Variants in CNTN1 observed in about 807,000 individuals in gnomAD.
CNTN1 encodes contactin-1.
In CNTN1, 38 loss-of-function variants were observed where a neutral mutation model predicts 126.4. That is an observed-to-expected ratio of 0.30 (90% CI 0.23 to 0.39). The LOEUF (loss-of-function observed/expected upper bound fraction) is 0.39. CNTN1 is among the 10% of genes least tolerant of loss of function. CNTN1 has a pLI of 1.00. For synonymous variants in CNTN1, 413 were observed against 422.6 expected (o/e 0.98, Z 0.28); for missense variants, 1,009 against 1,248.4 (o/e 0.81, Z 2.89).
At chr12:40,838,110 CG>C (rs1419276728) in intron 1 of CNTN1, among the ~76,000 whole-genome samples, 2 of 152,204 alleles carry the variant, frequency 1.3e-5, no homozygotes, top group African/African-American at 4.8e-5. Context: ...CCACCCAGCC[CG>C]GCATTGCATC....
In CNTN1 at chr12:40,863,029, T is replaced by C. The variant is rs957018286; in HGVS notation, c.-76-45328T>C. On this transcript the variant is annotated intron_variant, in intron 1 of 23. Coordinates refer to ENST00000551295, the MANE Select transcript of CNTN1 (RefSeq NM_001843.4). ...GTTTTAACTTTAGTCATTTAAAATA[T>C]AGCTATCACATATTTGCTGTTTTAT... 2.0e-5 allele frequency among the ~76,000 whole-genome samples: 3 copies of C among 152,218 alleles called. No homozygotes were observed. In the East Asian group the frequency reaches 5.8e-4, roughly 29 times the overall value.
intron 1 of CNTN1, among the ~76,000 whole-genome samples, chr12:40,857,919 T>C (rs1942969529): frequency 6.6e-6 from 1 of 152,124 alleles, no homozygotes; most frequent in Admixed American, 6.6e-5. Flanking sequence ...TTTAATTCTG[T>C]GTACACATTG....
intron 1 of CNTN1, among the ~76,000 whole-genome samples, chr12:40,776,415 C>T (rs552650950): frequency 6.9e-4 from 105 of 151,456 alleles, no homozygotes; most frequent in Non-Finnish European, 1.2e-3. Context: ...TAAGATAGAA[C>T]CAGGAGAGGA....
rs278908 is a variant in CNTN1, at chr12:41,028,025, C to G, written c.2823+56C>G. 2,027 of 1,256,784 alleles carry G rather than the reference C, an allele frequency of 1.6e-3. 19 individuals carry two copies. The African/African-American group carries it at 0.024, about 15-fold the overall frequency. 77.9% of individuals were successfully genotyped at this position (1,256,784 alleles called of 1,614,324 possible). The stretch of plus-strand genomic sequence containing the variant: ...CAATTCTTGCTATTTCAGTGAAACC[C>G]AAGATGGGTTTCTTTTCTTTTTTTG... On this transcript the variant is annotated intron_variant, in intron 22 of 23. Coordinates refer to ENST00000551295, the MANE Select transcript of CNTN1 (RefSeq NM_001843.4).
Position 40,748,050 on chromosome 12 carries a change from T to G in CNTN1, c.-77+55458T>G, listed in dbSNP as rs200331858. Among the ~76,000 whole-genome samples, 3 of 152,246 alleles carry G rather than the reference T, an allele frequency of 2.0e-5. No homozygotes were observed. The East Asian group carries it at 5.8e-4, about 29-fold the overall frequency. On this transcript the variant is annotated intron_variant, in intron 1 of 23. Coordinates refer to ENST00000551295, the MANE Select transcript of CNTN1 (RefSeq NM_001843.4). ...TCATCCTGTAGGCAGTCGTATTAAA[T>G]GCAAATATTTGAAGAGGACCATGGA... is the stretch of plus-strand genomic sequence containing the variant.
At chr12:40,891,402 C>T (rs556960154) in intron 1 of CNTN1, among the ~76,000 whole-genome samples, 1 of 152,136 alleles carries the variant, frequency 6.6e-6, no homozygotes, top group African/African-American at 2.4e-5. Flanking sequence ...TTCATGGATT[C>T]TGCCTTTATT....
intron 1 of CNTN1, among the ~76,000 whole-genome samples, chr12:40,724,153 C>G (rs1394297827): frequency 6.6e-6 from 1 of 152,088 alleles, no homozygotes; most frequent in Non-Finnish European, 1.5e-5. Context: ...TTTTGAACCT[C>G]TAAATGTAAC....
At chr12:40,946,525 C>CA (rs2136959912) in intron 14 of CNTN1, among the ~76,000 whole-genome samples, 1 of 152,082 alleles carries the variant, frequency 6.6e-6, no homozygotes, top group East Asian at 1.9e-4. Context: ...GACACCAGCC[C>CA]AAAATAAACC....
In CNTN1 at chr12:41,068,247, A is replaced by G. The variant is rs758909603; in HGVS notation, c.2981-1712A>G. 3.9e-5 allele frequency among the ~76,000 whole-genome samples: 6 copies of G among 152,262 alleles called. No homozygotes were observed. In the South Asian group the frequency reaches 6.2e-4, roughly 16 times the overall value. Reference sequence around the variant, plus strand: ...TATATAAAATTAGGGTAAAAGACCTACCATTGTAGGTTGTTGTAGTCATGT... The same window carrying G: ...TATATAAAATTAGGGTAAAAGACCTGCCATTGTAGGTTGTTGTAGTCATGT... On this transcript the variant is annotated intron_variant, in intron 23 of 23. Coordinates refer to ENST00000551295, the MANE Select transcript of CNTN1 (RefSeq NM_001843.4).
chr12:40,960,533 A>G (rs1947068354), intron 15 of CNTN1, among the ~76,000 whole-genome samples: 1 of 152,060 alleles, frequency 6.6e-6, no homozygotes, highest in East Asian at 1.9e-4. Context: ...CACTGGGCAA[A>G]TGCTGAAAAC....
At chr12:41,016,586 A>G (rs1467177115) in intron 18 of CNTN1, 96 bp from the exon 19 acceptor site, 1 of 789,934 alleles carries the variant, frequency 1.3e-6, no homozygotes, top group Non-Finnish European at 2.2e-6. Flanking sequence ...ATGTTTTTAC[A>G]AAGAGCACGC....
At chr12:40,737,538 G>C (rs1361904864) in intron 1 of CNTN1, among the ~76,000 whole-genome samples, 1 of 151,640 alleles carries the variant, frequency 6.6e-6, no homozygotes, top group East Asian at 1.9e-4. Context: ...AAAGACGTAG[G>C]CTGGGAGGCT....
chr12:40,929,480 A>G (rs77750758), intron 6 of CNTN1, among the ~76,000 whole-genome samples: 341 of 152,202 alleles, frequency 2.2e-3, no homozygotes, highest in Non-Finnish European at 3.6e-3. Context: ...TCTTCTTAAT[A>G]GTCATGACAT....
intron 16 of CNTN1, among the ~76,000 whole-genome samples, chr12:40,990,178 G>A (rs548518270): frequency 8.5e-5 from 13 of 152,220 alleles, no homozygotes; most frequent in South Asian, 2.1e-4. Flanking sequence ...TTGTATTCTC[G>A]TAGGTACTGA....
At chr12:40,857,454 C>A (rs67497816) in intron 1 of CNTN1, among the ~76,000 whole-genome samples, 20,764 of 151,962 alleles carry the variant, frequency 0.14, 1,839 homozygotes, top group African/African-American at 0.25. Context: ...GTCTTAGGAA[C>A]TTTGATGAAA....
intron 6 of CNTN1, among the ~76,000 whole-genome samples, chr12:40,925,905 G>T (rs77893562): frequency 0.036 from 5,161 of 143,502 alleles, 281 homozygotes; most frequent in African/African-American, 0.13. Flanking sequence ...CATTTTCATA[G>T]TGTTTCCCAC....
At chr12:40,859,798 C>T (rs1943056129) in intron 1 of CNTN1, among the ~76,000 whole-genome samples, 1 of 152,068 alleles carries the variant, frequency 6.6e-6, no homozygotes, top group South Asian at 2.1e-4. Context: ...TATAAAATTA[C>T]TTGATTCAAG....
At chr12:41,063,387 A>G (rs1267964533) in intron 23 of CNTN1, among the ~76,000 whole-genome samples, 1 of 152,266 alleles carries the variant, frequency 6.6e-6, no homozygotes, top group Non-Finnish European at 1.5e-5. Context: ...TGGGCAGAAT[A>G]TAATTCCTGT....
At chr12:40,748,567 A>C (rs768843597) in intron 1 of CNTN1, among the ~76,000 whole-genome samples, 12 of 152,092 alleles carry the variant, frequency 7.9e-5, no homozygotes, top group Admixed American at 2.0e-4. Context: ...GTACTTGAAA[A>C]CTGTTGTGCT....
Sources: allele counts gnomAD v4.1 joint callset (sites outside exome capture counted in the v4.1 genomes callset), GRCh38; gene constraint gnomAD v4.1.1; transcripts MANE v1.5; gene names NCBI Gene and HGNC (gene_info 2026-07-23, HGNC 2026-07-21).